The following SMTNL1 variants were observed in gnomAD, a reference collection of about 807,000 sequenced individuals.
SMTNL1 encodes smoothelin like 1.
Under a neutral mutation model 46.6 loss-of-function variants are expected in SMTNL1, and 41 were observed. That is an observed-to-expected ratio of 0.88 (90% CI 0.69 to 1.14). The LOEUF (loss-of-function observed/expected upper bound fraction) is 1.14. Among genes scored for constraint, SMTNL1 ranks in the 50% most tolerant of loss-of-function variants. The pLI, the probability that SMTNL1 is intolerant of heterozygous loss-of-function variation, is 0.00. For missense variants in SMTNL1, 591 were observed against 626.1 expected, an observed-to-expected ratio of 0.94 and a Z score of 0.60; for synonymous variants, 234 against 234.2, an observed-to-expected ratio of 1.00 and a Z score of 0.01.
At chr11:57,548,837 T>C (rs1216697705) in intron 7 of SMTNL1, among the ~76,000 whole-genome samples, 3 of 152,142 alleles carry the variant, frequency 2.0e-5, no homozygotes, top group African/African-American at 7.2e-5. Flanking sequence ...CCACAAGAAT[T>C]TCTATGCCAT....
At chr11:57,540,020 C>T (rs890216113) in intron 1 of SMTNL1, among the ~76,000 whole-genome samples, 1 of 152,044 alleles carries the variant, frequency 6.6e-6, no homozygotes, top group Non-Finnish European at 1.5e-5. Flanking sequence ...TTGTGTTAGA[C>T]CAGCATTTGC....
chr11:57,543,742 A>T lies in SMTNL1; in HGVS notation c.851A>T (p.His284Leu). The change falls in exon 3 of 8, where the codon CAC (histidine) becomes CTC (leucine). Residue 284 changes from histidine (H) to leucine (L), a missense_variant. His to Leu is a moderately conservative substitution (Grantham distance 99, BLOSUM62 -3). Coordinates refer to ENST00000527972, the MANE Select transcript of SMTNL1 (RefSeq NM_001105565.3). ...CCTGAGAGCCCCACTGGGGAGGGGCACAACCTCAGCACAGGTGAGTGAGAG... is the reference window on the plus strand; with the variant it reads ...CCTGAGAGCCCCACTGGGGAGGGGCTCAACCTCAGCACAGGTGAGTGAGAG... ...EWPESPTGEG[H>L]NLSTDGLGPD... 6.4e-7 allele frequency: 1 copy of T among 1,561,702 alleles called. No individual in the cohort carries two copies. Among genetic ancestry groups the T allele is most frequent in the Non-Finnish European group, 8.7e-7 (1 of 1,152,908 alleles).
chr11:57,548,362 C>T (rs1261433078), intron 7 of SMTNL1, among the ~76,000 whole-genome samples: 1 of 152,152 alleles, frequency 6.6e-6, no homozygotes, highest in Non-Finnish European at 1.5e-5. Flanking sequence ...GAGGCCTACC[C>T]TGAGCACCCT....
chr11:57,545,796 CA>C, intron 4 of SMTNL1, 84 bp from the exon 5 acceptor site: 20 of 1,256,082 alleles, frequency 1.6e-5, no homozygotes, highest in Non-Finnish European at 2.2e-5. Flanking sequence ...CAGTGCCACC[CA>C]CCCTCCAGCC....
chr11:57,545,375 C>T (rs1187944569), intron 4 of SMTNL1, among the ~76,000 whole-genome samples: 4 of 151,872 alleles, frequency 2.6e-5, no homozygotes, highest in African/African-American at 7.2e-5. Flanking sequence ...GAGGCTGAGG[C>T]GGGTAGATCA....
intron 1 of SMTNL1, among the ~76,000 whole-genome samples, chr11:57,541,286 G>T (rs1408024216): frequency 6.6e-6 from 1 of 152,136 alleles, no homozygotes; most frequent in Non-Finnish European, 1.5e-5. Context: ...AAGGGCAGGG[G>T]GTATTTTTAG....
chr11:57,539,160 G>A (rs560632869), intron 1 of SMTNL1, among the ~76,000 whole-genome samples: 1 of 152,144 alleles, frequency 6.6e-6, no homozygotes, highest in South Asian at 2.1e-4. Flanking sequence ...ACCAGCCTGG[G>A]AAACATAGCG....
rs1346266396 is a variant in SMTNL1, at chr11:57,542,843, G to C, written c.201G>C (p.Gln67His). 1 of 1,613,288 alleles carries C rather than the reference G, an allele frequency of 6.2e-7. No individual in the cohort carries two copies. The highest frequency in any genetic ancestry group is 8.5e-7 in the Non-Finnish European group (1 of 1,179,562). The change falls in exon 2 of 8, where the codon CAG becomes CAC. Residue 67 changes from glutamine to histidine, a missense_variant. Physicochemically the swap from Gln to His is conservative, Grantham distance 24. Coordinates refer to ENST00000527972, the MANE Select transcript of SMTNL1 (RefSeq NM_001105565.3). ...AGGACGGCATGTCAGCAGAACTCCA[G>C]GGGGAAGCAAATGGATTAGATGAGG... ...PAEDGMSAEL[Q>H]GEANGLDEVK...
chr11:57,541,380 C>T, intron 1 of SMTNL1: 1 of 610,170 alleles, frequency 1.6e-6, no homozygotes, highest in Non-Finnish European at 2.5e-6. Context: ...GTAACTACAC[C>T]CCCCAAAAAG....
At chr11:57,549,794 C>G (rs568535724) in intron 7 of SMTNL1, among the ~76,000 whole-genome samples, 174 bp from the exon 8 acceptor site, 3 of 152,178 alleles carry the variant, frequency 2.0e-5, no homozygotes, top group Non-Finnish European at 2.9e-5. Context: ...CTGTTGGGGT[C>G]TCAGTTATCT....
Position 57,542,731 on chromosome 11 carries a change from C to T in SMTNL1, c.89C>T (p.Pro30Leu), listed in dbSNP as rs1388039792. ...DNPEMSGGGAPAEETKGTAGK... is the reference protein window; with the variant it reads ...DNPEMSGGGALAEETKGTAGK... The stretch of plus-strand genomic sequence containing the variant: ...CCTGAGATGTCAGGAGGTGGAGCCC[C>T]TGCAGAGGAGACCAAAGGCACAGCT... The change falls in exon 2 of 8, where the codon CCT (proline) becomes CTT (leucine). Residue 30 changes from proline (P) to leucine (L), a missense_variant. Physicochemically the swap from Pro to Leu is moderately conservative, Grantham distance 98 (BLOSUM62 -3). Coordinates refer to ENST00000527972, the MANE Select transcript of SMTNL1 (RefSeq NM_001105565.3). The T allele has an allele frequency of 6.2e-7, 1 of 1,613,932 alleles. No individual in the cohort carries two copies. Among genetic ancestry groups the T allele is most frequent in the Admixed American group, 1.7e-5 (1 of 59,998 alleles).
At position 57,543,284 on chromosome 11, in the gene SMTNL1, AC is replaced by A. The variant is rs2135263216; in HGVS notation, c.645del (p.Lys216ArgfsTer52). On this transcript the variant is annotated frameshift_variant, in exon 2 of 8. Coordinates refer to ENST00000527972, the MANE Select transcript of SMTNL1 (RefSeq NM_001105565.3). LOFTEE classifies it high-confidence loss of function. ...TTGTGGAGGATGAGGCTAAGGCTGA[AC>A]CCAAGGAGCCCGATGGGAAAGAGGA... ...AVVEDEAKAE[P>X]KEPDGKEEAK... 2 of 1,613,920 alleles carry A rather than the reference AC, an allele frequency of 1.2e-6. No individual in the cohort carries two copies. The highest frequency in any genetic ancestry group is 4.5e-5 in the East Asian group (2 of 44,876).
At chr11:57,539,600 C>CTGTTT (rs1171280825) in intron 1 of SMTNL1, among the ~76,000 whole-genome samples, 1 of 152,130 alleles carries the variant, frequency 6.6e-6, no homozygotes, top group Non-Finnish European at 1.5e-5. Context: ...CCTCTGAATC[C>CTGTTT]TGTTTTGTTT....
At chr11:57,538,282 C>T (rs764778417) in intron 1 of SMTNL1, among the ~76,000 whole-genome samples, 12 of 152,196 alleles carry the variant, frequency 7.9e-5, no homozygotes, top group Non-Finnish European at 1.8e-4. Flanking sequence ...CACCACAGAA[C>T]ATCCAGTGTT....
In SMTNL1 at chr11:57,546,609, G is replaced by C. The variant is rs559016337; in HGVS notation, c.1297G>C (p.Ala433Pro). Reference protein sequence around the residue: ...DAFDYAELDPAKRRHNFTLAF... With the variant: ...DAFDYAELDPPKRRHNFTLAF... The stretch of plus-strand genomic sequence containing the variant: ...CTTTGACTACGCAGAGCTGGATCCC[G>C]CAAAGCGCCGGCACAACTTCACCCT... The change falls in exon 7 of 8, where the codon GCA becomes CCA. Residue 433 changes from alanine to proline, a missense_variant. Coordinates refer to ENST00000527972, the MANE Select transcript of SMTNL1 (RefSeq NM_001105565.3). The C allele has an allele frequency of 3.1e-6, 5 of 1,613,820 alleles. No homozygotes were observed. The highest frequency in any genetic ancestry group is 4.2e-6 in the Non-Finnish European group (5 of 1,179,884).
At chr11:57,543,505 G>T in intron 2 of SMTNL1, 119 bp from the exon 3 acceptor site, 1 of 1,515,246 alleles carries the variant, frequency 6.6e-7, no homozygotes, top group Non-Finnish European at 8.8e-7. Context: ...GGTGGGGGAG[G>T]GGGGACAAGG....
intron 4 of SMTNL1, 110 bp from the exon 5 acceptor site, chr11:57,545,771 C>T: frequency 9.3e-7 from 1 of 1,078,580 alleles, no homozygotes; most frequent in South Asian, 1.6e-5. Context: ...CAGCTGCACA[C>T]ACCCCCTTAG....
Position 57,543,709 on chromosome 11 carries a change from A to G in SMTNL1, c.818A>G (p.Glu273Gly). The G allele has an allele frequency of 1.3e-6, 2 of 1,578,420 alleles. No individual in the cohort carries two copies. The highest frequency in any genetic ancestry group is 2.3e-5 in the East Asian group (1 of 43,084). The change falls in exon 3 of 8, where the codon GAG (glutamate) becomes GGG (glycine). Residue 273 changes from glutamate to glycine, a missense_variant. Transcript: ENST00000527972. ...GGAGVIPSSP[E>G]EWPESPTGEG... ...GCAGGGGTGATTCCCAGCTCCCCAG[A>G]GGAGTGGCCTGAGAGCCCCACTGGG...
At position 57,550,018 on chromosome 11, in the gene SMTNL1, T is replaced by A. The variant is rs749275380; in HGVS notation, c.1391T>A (p.Leu464Ter). 3.1e-6 allele frequency: 5 copies of A among 1,614,000 alleles called. No homozygotes were observed. The highest frequency in any genetic ancestry group is 4.2e-6 in the Non-Finnish European group (5 of 1,179,892). ...CTGGACGTGGATGACATGGTGCGGTTGGCTGTGCCCGACTCCAAGTGCGTC... is the reference window on the plus strand; with the variant it reads ...CTGGACGTGGATGACATGGTGCGGTAGGCTGTGCCCGACTCCAAGTGCGTC... The part of the protein sequence containing the change: ...QLLDVDDMVR[L>*]AVPDSKCVYT... Residue 464 changes from leucine to a stop codon, truncating the protein, a stop_gained, in exon 8 of 8, where the codon TTG (leucine) becomes TAG (stop). Coordinates refer to ENST00000527972, the MANE Select transcript of SMTNL1 (RefSeq NM_001105565.3). LOFTEE classifies it high-confidence loss of function.
Sources: gnomAD v4.1 joint callset for allele counts (sites outside exome capture counted in the v4.1 genomes callset) on GRCh38, gnomAD v4.1.1 for gene constraint, MANE v1.5 for transcripts, NCBI Gene and HGNC (gene_info 2026-07-23, HGNC 2026-07-21) for gene names.